The following ABCC1 variants were observed in gnomAD, a reference collection of about 807,000 sequenced individuals.
The protein encoded by ABCC1 is ATP binding cassette subfamily C member 1 (ABCC1 blood group).
In ABCC1, 83 loss-of-function variants were observed where a neutral mutation model predicts 172.9. The ratio of observed to expected loss-of-function variants is 0.48; its 90% CI spans 0.40 to 0.58. The LOEUF is 0.58. ABCC1 is among the 20% of genes least tolerant of loss of function. The probability of loss-of-function intolerance (pLI) is 0.00; values close to 1 mark genes in which losing one functional copy is unlikely to be tolerated. For synonymous variants in ABCC1, 937 were observed against 825.2 expected, an observed-to-expected ratio of 1.14 and a Z score of -2.32; for missense variants, 1,817 against 2,002.7, an observed-to-expected ratio of 0.91 and a Z score of 1.77.
chr16:16,046,130 AG>A (rs1422971141), intron 9 of ABCC1, 117 bp downstream of exon 9: 7 of 1,195,924 alleles, frequency 5.9e-6, no homozygotes, highest in Non-Finnish European at 8.2e-6. Flanking sequence ...CAGTAGGATG[AG>A]GGTAGCTTCC....
At chr16:15,999,929 A>G (rs1567299400) in intron 1 of ABCC1, among the ~76,000 whole-genome samples, 1 of 143,606 alleles carries the variant, frequency 7.0e-6, no homozygotes, top group Non-Finnish European at 1.5e-5. Flanking sequence ...ATCTGGGCTC[A>G]CTGCAACCTC....
At chr16:16,048,108 C>T (rs1171590446) in intron 9 of ABCC1, 34 bp from the exon 10 acceptor site, 3 of 1,611,602 alleles carry the variant, frequency 1.9e-6, no homozygotes, top group Non-Finnish European at 2.5e-6. Context: ...TCAGCTGCCA[C>T]ACTCACCCAC....
At chr16:16,036,713 G>C in intron 7 of ABCC1, 110 bp downstream of exon 7, 3 of 1,230,948 alleles carry the variant, frequency 2.4e-6, no homozygotes, top group Non-Finnish European at 3.4e-6. Context: ...CTAGCTTTGT[G>C]GTTCTGGGCA....
At chr16:16,045,128 G>A (rs45565339) in intron 8 of ABCC1, among the ~76,000 whole-genome samples, 2,281 of 152,154 alleles carry the variant, frequency 0.015, 22 homozygotes, top group Non-Finnish European at 0.024. Flanking sequence ...AGGGTTGGGC[G>A]CAGTGGCTCA....
intron 1 of ABCC1, among the ~76,000 whole-genome samples, chr16:16,007,375 G>A (rs1034490112): frequency 6.6e-6 from 1 of 151,990 alleles, no homozygotes; most frequent in African/African-American, 2.4e-5. Flanking sequence ...ATACAGGCAC[G>A]CTCCATGCTC....
At position 16,075,582 on chromosome 16, in the gene ABCC1, G is replaced by A. The variant is rs566120458; in HGVS notation, c.1913-744G>A. On this transcript the variant is annotated intron_variant, in intron 14 of 30. Transcript: ENST00000399410. ...GGAGATGGAGGTTGCAGTAGGCCGA[G>A]ATCGCACCACTGCGCTCCAGCCTGG... 2.0e-5 allele frequency among the ~76,000 whole-genome samples: 3 copies of A among 152,294 alleles called. No individual in the cohort carries two copies. The South Asian group carries it at 6.2e-4, about 32-fold the overall frequency.
At chr16:16,083,270 G>A (rs2050875119) in intron 16 of ABCC1, 96 bp from the exon 17 acceptor site, 1 of 1,238,250 alleles carries the variant, frequency 8.1e-7, no homozygotes, top group East Asian at 2.3e-5. Context: ...GACTTGTGAA[G>A]TGAGGCCCTC....
intron 12 of ABCC1, among the ~76,000 whole-genome samples, chr16:16,063,079 C>T (rs2049980026): frequency 6.6e-6 from 1 of 152,138 alleles, no homozygotes; most frequent in Non-Finnish European, 1.5e-5. Context: ...ACTGCCACGA[C>T]CATGTCATTT....
At chr16:16,005,626 G>T (rs1052327699) in intron 1 of ABCC1, among the ~76,000 whole-genome samples, 1 of 152,106 alleles carries the variant, frequency 6.6e-6, no homozygotes, top group African/African-American at 2.4e-5. Context: ...GATGACAGGC[G>T]TGAGCCACTG....
At position 16,142,321 on chromosome 16, in the gene ABCC1, ATTGATT is replaced by A. The variant is rs2046152999; in HGVS notation, c.*1044_*1049del. ...GCAGTGTTGGTTGCTTACAGTGTTGATTGATTTTGTTCTTTTTTCTTACCACCTCTT... is the reference window on the plus strand; with the variant it reads ...GCAGTGTTGGTTGCTTACAGTGTTGATTGTTCTTTTTTCTTACCACCTCTT... On this transcript the variant is annotated 3_prime_UTR_variant, in exon 31 of 31. Coordinates refer to ENST00000399410, the MANE Select transcript of ABCC1 (RefSeq NM_004996.4). 4 of 152,254 alleles carry A rather than the reference ATTGATT, an allele frequency of 2.6e-5. No homozygotes were observed. The South Asian group carries it at 8.3e-4, about 32-fold the overall frequency. The allele number at this position is 152,254 out of a possible 1,614,324, so 9.4% of individuals were successfully genotyped here.
At chr16:16,031,583 A>C (rs1266990949) in intron 5 of ABCC1, among the ~76,000 whole-genome samples, 1 of 152,098 alleles carries the variant, frequency 6.6e-6, no homozygotes, top group Non-Finnish European at 1.5e-5. Flanking sequence ...TAGACTACTC[A>C]GGCCCCTTCT....
At chr16:15,964,132 A>T (rs2046196076) in intron 1 of ABCC1, among the ~76,000 whole-genome samples, 1 of 152,096 alleles carries the variant, frequency 6.6e-6, no homozygotes, top group South Asian at 2.1e-4. Flanking sequence ...TTGTAGAGAC[A>T]GGATTTCACC....
intron 16 of ABCC1, among the ~76,000 whole-genome samples, chr16:16,079,723 T>C (rs1418574674): frequency 6.6e-6 from 1 of 152,194 alleles, no homozygotes. Flanking sequence ...GCACTTAAAA[T>C]AGTGCCCAGT....
At chr16:16,061,758 T>C (rs1044203859) in intron 12 of ABCC1, among the ~76,000 whole-genome samples, 52 of 147,990 alleles carry the variant, frequency 3.5e-4, no homozygotes, top group Non-Finnish European at 6.4e-4. Flanking sequence ...AAATGGCTTT[T>C]TTTTTCTTTT....
At chr16:16,122,483 A>C (rs942478980) in intron 24 of ABCC1, among the ~76,000 whole-genome samples, 1 of 151,418 alleles carries the variant, frequency 6.6e-6, no homozygotes, top group Non-Finnish European at 1.5e-5. Flanking sequence ...CGACTCTGCT[A>C]TTGAGTATCT....
chr16:15,963,924 A>G (rs1398867268), intron 1 of ABCC1, among the ~76,000 whole-genome samples: 3 of 149,176 alleles, frequency 2.0e-5, no homozygotes, highest in South Asian at 2.1e-4. Context: ...TTCTTTTTAC[A>G]TTGTCAGACT....
At chr16:15,971,912 A>G (rs1039227059) in intron 1 of ABCC1, among the ~76,000 whole-genome samples, 1 of 152,130 alleles carries the variant, frequency 6.6e-6, no homozygotes, top group Admixed American at 6.6e-5. Flanking sequence ...GCAAGAAGGA[A>G]GGGAGAAGGA....
At position 15,967,263 on chromosome 16, in the gene ABCC1, C is replaced by A. The variant is rs56831452; in HGVS notation, c.48+17464C>A. Among the ~76,000 whole-genome samples, 927 of 152,152 alleles carry A rather than the reference C, an allele frequency of 6.1e-3. 9 individuals are homozygous for A. The highest frequency in any genetic ancestry group is 0.02 in the African/African-American group (825 of 41,508). On this transcript the variant is annotated intron_variant, in intron 1 of 30. Transcript: ENST00000399410. ...GTATGCTGGGTGAAGAGGCCAAGTT[C>A]AGGAGCCTAGGTTTGAAAATCAGTA...
chr16:16,066,188 T>G (rs536429288), intron 12 of ABCC1, among the ~76,000 whole-genome samples: 12 of 149,298 alleles, frequency 8.0e-5, no homozygotes, highest in African/African-American at 2.9e-4. Flanking sequence ...TCTGACTGTT[T>G]TCTTTTTTTT....
Sources: gnomAD v4.1 joint callset for allele counts (sites outside exome capture counted in the v4.1 genomes callset) on GRCh38, gnomAD v4.1.1 for gene constraint, MANE v1.5 for transcripts, NCBI Gene and HGNC (gene_info 2026-07-23, HGNC 2026-07-21) for gene names.